CGAS: variants seen among roughly 807,000 people sequenced by gnomAD.
CGAS encodes cyclic GMP-AMP synthase.
Under a neutral mutation model 34.0 loss-of-function variants are expected in CGAS, and 31 were observed. The observed-to-expected ratio is 0.91, with a 90% confidence interval of 0.69 to 1.23. The LOEUF is 1.23. Among genes scored for constraint, CGAS ranks in the 50% most tolerant of loss-of-function variants. The pLI, the probability that CGAS is intolerant of heterozygous loss-of-function variation, is 0.00. For missense variants in CGAS, 597 were observed against 657.6 expected (o/e 0.91, Z 1.01); for synonymous variants, 266 against 260.0 (o/e 1.02, Z -0.22).
chr6:73,436,581 G>A (rs556521620), intron 3 of CGAS, among the ~76,000 whole-genome samples: 73 of 151,940 alleles, frequency 4.8e-4, no homozygotes, highest in Non-Finnish European at 8.2e-4. Context: ...AGAGTGCAGT[G>A]GCACCATCTT....
chr6:73,445,489 A>G (rs780919448), intron 2 of CGAS, 39 bp downstream of exon 2: 1 of 1,432,428 alleles, frequency 7.0e-7, no homozygotes, highest in East Asian at 2.3e-5. Context: ...ATTACTAGGT[A>G]TAATTAAACC....
intron 3 of CGAS, among the ~76,000 whole-genome samples, chr6:73,430,440 T>C (rs1770176089): frequency 6.6e-6 from 1 of 152,164 alleles, no homozygotes; most frequent in Non-Finnish European, 1.5e-5. Context: ...ACACCATATC[T>C]ACTAAAAATA....
intron 1 of CGAS, among the ~76,000 whole-genome samples, chr6:73,448,989 T>A (rs894255427): frequency 4.6e-5 from 7 of 151,758 alleles, no homozygotes; most frequent in Non-Finnish European, 8.8e-5. Flanking sequence ...CTCTGGAGGC[T>A]GAGGCAGGAG....
intron 2 of CGAS, among the ~76,000 whole-genome samples, chr6:73,441,040 A>G (rs1770369913): frequency 6.7e-6 from 1 of 149,124 alleles, no homozygotes; most frequent in East Asian, 2.0e-4. Context: ...CTGTGATTAA[A>G]TTTTCTTCTT....
Position 73,452,006 on chromosome 6 carries a change from G to A in CGAS, c.176C>T (p.Ser59Phe). 1.4e-6 allele frequency: 2 copies of A among 1,479,622 alleles called. No homozygotes were observed. Among genetic ancestry groups the A allele is most frequent in the Non-Finnish European group, 1.8e-6 (2 of 1,113,138 alleles). The allele number at this position is 1,479,622 out of a possible 1,614,324, so 91.7% of individuals were successfully genotyped here. Residue 59 changes from serine to phenylalanine, a missense_variant, in exon 1 of 5, where the codon TCC (serine) becomes TTC (phenylalanine). Around this residue, in one of 3 missense-constraint regions of CGAS, gnomAD observed 321 missense variants for 314.3 expected, o/e 1.02. Transcript: ENST00000370315. ...GTCCGGGGCGCTCTTTTTCTGCCGG[G>A]ATCCCGACTTCCTGGCGGGGCCGAA... is the stretch of plus-strand genomic sequence containing the variant. ...GKFGPARKSG[S>F]RQKKSAPDTQ...
At chr6:73,451,481 AGGCCGAGCAGCGG>A in intron 1 of CGAS, 31 bp downstream of exon 1, 1 of 1,509,500 alleles carries the variant, frequency 6.6e-7, no homozygotes, top group Middle Eastern at 1.8e-4. Flanking sequence ...GGATTGCGGA[AGGCCGAGCAGCGG>A]GGCTCGGCGG....
In CGAS at chr6:73,451,827, C is replaced by T. The variant is rs545433028; in HGVS notation, c.355G>A (p.Gly119Ser). Residue 119 changes from glycine to serine, a missense_variant, in exon 1 of 5, where the codon GGT becomes AGT. By Grantham distance (56) the Gly-to-Ser change is moderately conservative. This residue lies in a region of CGAS where 321 missense variants were observed against 314.3 expected (regional missense o/e 1.02). Transcript: ENST00000370315. ...CGCGCGCCCCTCTGGCGGCAAGAAC[C>T]AGCCCTGGAAAGAGCCGGCTCCCGA... is the stretch of plus-strand genomic sequence containing the variant. Reference protein sequence around the residue: ...AAREPALSRAGSCRQRGARCS... With the variant: ...AAREPALSRASSCRQRGARCS... 6.4e-7 allele frequency: 1 copy of T among 1,554,500 alleles called. No individual in the cohort carries two copies. The highest frequency in any genetic ancestry group is 1.2e-5 in the South Asian group (1 of 84,874).
intron 3 of CGAS, among the ~76,000 whole-genome samples, chr6:73,433,038 C>T (rs1356770096): frequency 1.3e-5 from 2 of 151,958 alleles, no homozygotes; most frequent in African/African-American, 2.4e-5. Flanking sequence ...GAGCCGAGAT[C>T]GCACCACTGC....
intron 1 of CGAS, among the ~76,000 whole-genome samples, chr6:73,449,620 C>T (rs749118228): frequency 6.6e-6 from 1 of 152,134 alleles, no homozygotes; most frequent in African/African-American, 2.4e-5. Context: ...TGAATTGATA[C>T]TTACATAATA....
In CGAS at chr6:73,452,183, G is replaced by A. The variant is rs1770587839; in HGVS notation, c.-2C>T. Reference sequence around the variant, plus strand: ...GGCCTTTCCGTGCCAAGGCTGCATGGCTGGCGCTTTCTGTTCCCCGAAAGA... The same window carrying A: ...GGCCTTTCCGTGCCAAGGCTGCATGACTGGCGCTTTCTGTTCCCCGAAAGA... On this transcript the variant is annotated 5_prime_UTR_variant, in exon 1 of 5. Transcript: ENST00000370315. The A allele has an allele frequency of 6.3e-7, 1 of 1,595,942 alleles. No individual in the cohort carries two copies. Among genetic ancestry groups the A allele is most frequent in the Non-Finnish European group, 8.5e-7 (1 of 1,172,802 alleles).
intron 2 of CGAS, among the ~76,000 whole-genome samples, chr6:73,444,368 C>T (rs980959879): frequency 6.6e-6 from 1 of 150,410 alleles, no homozygotes. Context: ...GAGTGCAATG[C>T]CCCGATCTCG....
At chr6:73,433,766 C>T (rs892948562) in intron 3 of CGAS, among the ~76,000 whole-genome samples, 2 of 146,802 alleles carry the variant, frequency 1.4e-5, no homozygotes, top group East Asian at 2.1e-4. Context: ...GGATTACAGG[C>T]GTGAGCCACC....
intron 2 of CGAS, among the ~76,000 whole-genome samples, chr6:73,443,150 G>A (rs1770411832): frequency 1.3e-5 from 2 of 151,748 alleles, no homozygotes; most frequent in South Asian, 4.2e-4. Flanking sequence ...TTGGATTTCT[G>A]GATGTCAGTA....
chr6:73,443,910 A>C (rs1362517744), intron 2 of CGAS, among the ~76,000 whole-genome samples: 1 of 152,212 alleles, frequency 6.6e-6, no homozygotes, highest in Admixed American at 6.5e-5. Context: ...TTCGGAAAAG[A>C]TGAAGTTATA....
intron 2 of CGAS, among the ~76,000 whole-genome samples, chr6:73,441,336 A>C (rs1770376519): frequency 6.6e-6 from 1 of 152,168 alleles, no homozygotes; most frequent in African/African-American, 2.4e-5. Flanking sequence ...AGAGACAGGC[A>C]GCAAAAAGAC....
intron 3 of CGAS, among the ~76,000 whole-genome samples, chr6:73,429,682 C>A (rs1450137134): frequency 2.0e-5 from 3 of 151,706 alleles, no homozygotes; most frequent in South Asian, 2.1e-4. Context: ...AAAAATTAGC[C>A]GGGCGTGGTG....
chr6:73,439,494 AAAAG>A (rs1203469154), intron 3 of CGAS, among the ~76,000 whole-genome samples: 5 of 151,604 alleles, frequency 3.3e-5, no homozygotes, highest in South Asian at 2.1e-4. Context: ...GAAAAAAAAA[AAAAG>A]AAAGAAAGAA....
rs763350705 is a variant in CGAS at position 73,424,432 on chromosome 6, TAAA to T, written c.*792_*794del. The T allele has an allele frequency of 4.6e-5, 6 of 131,678 alleles. No homozygotes were observed. Among genetic ancestry groups the T allele is most frequent in the Non-Finnish European group, 1.6e-5 (1 of 60,878 alleles). 8.2% of individuals were successfully genotyped at this position (131,678 alleles called of 1,614,324 possible). A position where few individuals can be genotyped will look rare whatever the true frequency, so the allele number is the denominator to read the frequency against. On this transcript the variant is annotated 3_prime_UTR_variant, in exon 5 of 5. Transcript: ENST00000370315. Reference sequence around the variant, plus strand: ...CTGGGCGACAGAGCGAGACTCCATCTAAAAAAAAAAAAAAAAAATTATGTATTT... The same window carrying T: ...CTGGGCGACAGAGCGAGACTCCATCTAAAAAAAAAAAAAAATTATGTATTT...
Position 73,425,033 on chromosome 6 carries a change from T to C in CGAS, c.*194A>G. On this transcript the variant is annotated 3_prime_UTR_variant, in exon 5 of 5. Coordinates refer to ENST00000370315, the MANE Select transcript of CGAS (RefSeq NM_138441.3). ...CATGCCCGGCTAATTTTTATATTTT[T>C]AGTAGAGATGGAGTTTCACCATGTT... 2.6e-6 allele frequency: 1 copy of C among 385,590 alleles called. No homozygotes were observed. The allele number at this position is 385,590 out of a possible 1,614,324, so 23.9% of individuals were successfully genotyped here. A position where few individuals can be genotyped will look rare whatever the true frequency, so the allele number is the denominator to read the frequency against.
Sources: allele counts gnomAD v4.1 joint callset (sites outside exome capture counted in the v4.1 genomes callset), GRCh38; gene constraint gnomAD v4.1.1; regional missense constraint gnomAD v4.1.1; transcripts MANE v1.5; gene names NCBI Gene and HGNC (gene_info 2026-07-23, HGNC 2026-07-21).